Variants in ALK observed in about 807,000 individuals in gnomAD.
The protein encoded by ALK is ALK receptor tyrosine kinase, also known as ALK tyrosine kinase receptor.
ALK carries 74 observed loss-of-function variants against 163.1 expected under a neutral mutation model. The ratio of observed to expected loss-of-function variants is 0.45; its 90% CI spans 0.38 to 0.55. The LOEUF (loss-of-function observed/expected upper bound fraction) is 0.55, where lower values mean the gene tolerates loss of function less well. ALK is among the 20% of genes least tolerant of loss of function. ALK has a pLI of 0.00. For missense variants in ALK, 2,063 were observed against 2,105.3 expected, an observed-to-expected ratio of 0.98 and a Z score of 0.39; for synonymous variants, 960 against 843.2, an observed-to-expected ratio of 1.14 and a Z score of -2.40.
intron 4 of ALK, among the ~76,000 whole-genome samples, chr2:29,440,912 G>T (rs780194882): frequency 6.6e-6 from 1 of 152,172 alleles, no homozygotes; most frequent in Non-Finnish European, 1.5e-5. Context: ...GATTTGAGGG[G>T]CAAGAACATC....
chr2:29,734,322 GAA>G (rs1274312001), intron 1 of ALK, among the ~76,000 whole-genome samples: 5 of 152,122 alleles, frequency 3.3e-5, no homozygotes, highest in Non-Finnish European at 7.4e-5. Context: ...GCCCTAAAGA[GAA>G]GAGACTGTCT....
At chr2:29,777,798 C>G (rs371756832) in intron 1 of ALK, among the ~76,000 whole-genome samples, 9 of 152,188 alleles carry the variant, frequency 5.9e-5, no homozygotes, top group African/African-American at 2.2e-4. Context: ...TCAGGCCACA[C>G]TTTAAGTAAG....
chr2:29,204,187 T>C (rs1184949970), intron 26 of ALK, among the ~76,000 whole-genome samples: 1 of 152,206 alleles, frequency 6.6e-6, no homozygotes, highest in Non-Finnish European at 1.5e-5. Flanking sequence ...TCCCTGCTAC[T>C]GTTAGCATCA....
intron 3 of ALK, among the ~76,000 whole-genome samples, chr2:29,651,240 C>T (rs978830845): frequency 1.3e-5 from 2 of 152,120 alleles, no homozygotes; most frequent in African/African-American, 4.8e-5. Flanking sequence ...GCGCTTCAAG[C>T]TGGTTGGGAA....
chr2:29,694,658 G>T lies in ALK; in HGVS notation c.952+192C>A, dbSNP rs13419205. Among the ~76,000 whole-genome samples, 16,874 of 152,280 alleles carry T rather than the reference G, an allele frequency of 0.11. 2,033 individuals carry two copies. Among genetic ancestry groups the T allele is most frequent in the African/African-American group, 0.31 (12,672 of 41,518 alleles). On this transcript the variant is annotated intron_variant, in intron 3 of 28. Transcript: ENST00000389048. ...TTGTTAAAGAATAAAGGTTTGGGCT[G>T]ATCTTGAGATGGGACTTGTCTTCCT...
intron 5 of ALK, among the ~76,000 whole-genome samples, chr2:29,352,426 C>T (rs1241518751): frequency 2.6e-5 from 4 of 152,234 alleles, no homozygotes; most frequent in Non-Finnish European, 4.4e-5. Context: ...GTGTAGGCCA[C>T]GGCTTGAGGC....
At chr2:29,850,470 G>T (rs533955180) in intron 1 of ALK, among the ~76,000 whole-genome samples, 30 of 152,278 alleles carry the variant, frequency 2.0e-4, no homozygotes, top group African/African-American at 7.0e-4. Context: ...CTATAAAAAG[G>T]TTTAAAAACA....
At chr2:29,614,033 T>C (rs1296415791) in intron 3 of ALK, among the ~76,000 whole-genome samples, 1 of 152,146 alleles carries the variant, frequency 6.6e-6, no homozygotes, top group South Asian at 2.1e-4. Flanking sequence ...GACAGCCTTG[T>C]GTGACAGGAG....
At chr2:29,849,715 G>C (rs937961780) in intron 1 of ALK, among the ~76,000 whole-genome samples, 8 of 152,220 alleles carry the variant, frequency 5.3e-5, no homozygotes, top group Admixed American at 5.2e-4. Flanking sequence ...CAGTTTTGCT[G>C]GTACCTGGCT....
At chr2:29,282,017 G>A (rs1336306524) in intron 9 of ALK, among the ~76,000 whole-genome samples, 5 of 152,206 alleles carry the variant, frequency 3.3e-5, no homozygotes, top group African/African-American at 7.2e-5. Flanking sequence ...AGGGAATGGC[G>A]AAGCTTTGGA....
chr2:29,200,292 T>C (rs772288376), intron 26 of ALK, among the ~76,000 whole-genome samples: 10 of 152,196 alleles, frequency 6.6e-5, no homozygotes, highest in Non-Finnish European at 1.2e-4. Context: ...TCTGTTTTTC[T>C]AGATAGATAT....
intron 1 of ALK, among the ~76,000 whole-genome samples, chr2:29,766,625 C>T (rs1167545491): frequency 6.6e-6 from 1 of 152,196 alleles, no homozygotes; most frequent in Non-Finnish European, 1.5e-5. Context: ...GATCTGTCTA[C>T]TCAGCAGGAC....
chr2:29,624,824 C>T (rs553519131), intron 3 of ALK, among the ~76,000 whole-genome samples: 1 of 152,302 alleles, frequency 6.6e-6, no homozygotes, highest in East Asian at 1.9e-4. Context: ...AAATCCCACG[C>T]CAAGGCACTA....
chr2:29,197,489 T>G, intron 27 of ALK, 53 bp downstream of exon 27: 3 of 1,607,326 alleles, frequency 1.9e-6, no homozygotes, highest in Non-Finnish European at 1.7e-6. Flanking sequence ...GGATATTTTT[T>G]GAAAAGAAAA....
chr2:29,856,378 C>T (rs1666137559), intron 1 of ALK, among the ~76,000 whole-genome samples: 1 of 152,150 alleles, frequency 6.6e-6, no homozygotes, highest in South Asian at 2.1e-4. Flanking sequence ...TAAAATTACC[C>T]GAACTACTAC....
intron 4 of ALK, among the ~76,000 whole-genome samples, chr2:29,387,078 T>A (rs1669049121): frequency 6.6e-6 from 1 of 152,178 alleles, no homozygotes; most frequent in African/African-American, 2.4e-5. Flanking sequence ...GTTGGGGATT[T>A]GTGACTGTCT....
intron 24 of ALK, among the ~76,000 whole-genome samples, chr2:29,211,494 C>T (rs187292702): frequency 1.3e-4 from 20 of 152,130 alleles, no homozygotes; most frequent in East Asian, 3.9e-4. Context: ...GAGAGTGACA[C>T]GTCATTTATG....
chr2:29,563,967 G>A (rs1237152289), intron 3 of ALK, among the ~76,000 whole-genome samples: 1 of 152,120 alleles, frequency 6.6e-6, no homozygotes. Flanking sequence ...CCTAACCTCA[G>A]CCGCCTCCTT....
At chr2:29,401,428 C>T (rs1669443922) in intron 4 of ALK, among the ~76,000 whole-genome samples, 1 of 152,160 alleles carries the variant, frequency 6.6e-6, no homozygotes, top group Non-Finnish European at 1.5e-5. Context: ...GTATCATATT[C>T]CTTTAAGCAA....
Sources: gnomAD v4.1 joint callset for allele counts (sites outside exome capture counted in the v4.1 genomes callset) on GRCh38, gnomAD v4.1.1 for gene constraint, MANE v1.5 for transcripts, NCBI Gene and HGNC (gene_info 2026-07-23, HGNC 2026-07-21) for gene names.